HIVEP2: variants seen among roughly 807,000 people sequenced by gnomAD.
HIVEP2 encodes the protein transcription factor HIVEP2.
HIVEP2 carries 14 observed loss-of-function variants against 180.7 expected under a neutral mutation model. The ratio of observed to expected loss-of-function variants is 0.08; its 90% confidence interval spans 0.05 to 0.12. The LOEUF (loss-of-function observed/expected upper bound fraction) is 0.12. HIVEP2 is among the 10% of genes least tolerant of loss of function. HIVEP2 has a pLI of 1.00. For synonymous variants in HIVEP2, 1,184 were observed against 1,136.4 expected (o/e 1.04, Z -0.84); for missense variants, 2,579 against 3,008.5 (o/e 0.86, Z 3.34).
chr6:142,760,501 T>C lies in HIVEP2; in HGVS notation c.5787A>G (p.Pro1929=). The C allele has an allele frequency of 6.2e-7, 1 of 1,614,158 alleles. No homozygotes were observed. The highest frequency in any genetic ancestry group is 1.1e-5 in the South Asian group (1 of 91,086). ...GACTGGTGCTTCTTGATCTTGTTTT[T>C]GGTGTTAAATCTCCCTGGTCGTCAA... ...DDFDDQGDLT[P]KTRSRSTSPQ... Residue 1929 remains proline (P), a synonymous_variant, in exon 9 of 10, where the codon CCA becomes CCG. Coordinates refer to ENST00000367603, the MANE Select transcript of HIVEP2 (RefSeq NM_006734.4).
chr6:142,796,419 T>C (rs1776279859), intron 2 of HIVEP2, among the ~76,000 whole-genome samples: 1 of 152,160 alleles, frequency 6.6e-6, no homozygotes, highest in Non-Finnish European at 1.5e-5. Flanking sequence ...AACACATATT[T>C]TGTATGTTGT....
chr6:142,840,484 A>T (rs1042676840), intron 1 of HIVEP2, among the ~76,000 whole-genome samples: 10 of 152,250 alleles, frequency 6.6e-5, no homozygotes, highest in Non-Finnish European at 1.2e-4. Context: ...TTTCATTTTT[A>T]AAAATTTTAA....
At chr6:142,826,859 T>C (rs1030788026) in intron 2 of HIVEP2, among the ~76,000 whole-genome samples, 1 of 152,234 alleles carries the variant, frequency 6.6e-6, no homozygotes, top group Admixed American at 6.5e-5. Context: ...ATAAGAAGGA[T>C]GTATTTTATC....
chr6:142,925,722 A>G (rs950094390), intron 1 of HIVEP2, among the ~76,000 whole-genome samples: 18 of 152,258 alleles, frequency 1.2e-4, no homozygotes, highest in African/African-American at 3.9e-4. Context: ...CTGAAAGCAT[A>G]CATAAGTCAG....
At chr6:142,818,230 G>C (rs2114818289) in intron 2 of HIVEP2, among the ~76,000 whole-genome samples, 2 of 152,212 alleles carry the variant, frequency 1.3e-5, no homozygotes, top group South Asian at 4.1e-4. Context: ...CAATGTACAA[G>C]CTCCCTTCTA....
At chr6:142,919,066 C>T (rs370724346) in intron 1 of HIVEP2, among the ~76,000 whole-genome samples, 7 of 152,252 alleles carry the variant, frequency 4.6e-5, no homozygotes, top group African/African-American at 1.7e-4. Context: ...CTGTCCATTT[C>T]TCTACCAAAT....
chr6:142,772,537 C>T lies in HIVEP2; in HGVS notation c.2202G>A (p.Met734Ile). The part of the protein sequence containing the change: ...MASDYDPKLQ[M>I]QEGVRSGFAM... Reference sequence around the variant, plus strand: ...CAAATCCACTCCTGACTCCTTCCTGCATCTGCAGTTTGGGGTCATAATCGG... The same window carrying T: ...CAAATCCACTCCTGACTCCTTCCTGTATCTGCAGTTTGGGGTCATAATCGG... Residue 734 changes from methionine (M) to isoleucine (I), a missense_variant, in exon 5 of 10, where the codon ATG (methionine) becomes ATA (isoleucine). Coordinates refer to ENST00000367603, the MANE Select transcript of HIVEP2 (RefSeq NM_006734.4). This position sits in a 1 kb window ranked among gnomAD's most constrained non-coding sequence, Gnocchi z 4.9. The T allele has an allele frequency of 6.2e-7, 1 of 1,614,152 alleles. No homozygotes were observed.
chr6:142,862,769 T>C (rs1172855589), intron 1 of HIVEP2, among the ~76,000 whole-genome samples: 1 of 136,174 alleles, frequency 7.3e-6, no homozygotes, highest in African/African-American at 2.7e-5. Flanking sequence ...TTATGTAATA[T>C]ATTATATGTA....
chr6:142,787,617 T>C (rs370722022), intron 2 of HIVEP2, among the ~76,000 whole-genome samples: 1 of 145,204 alleles, frequency 6.9e-6, no homozygotes, highest in Non-Finnish European at 1.5e-5. Flanking sequence ...CACTCTGGAG[T>C]GCGTAAAGTG....
intron 1 of HIVEP2, among the ~76,000 whole-genome samples, chr6:142,889,723 C>A (rs1437297996): frequency 6.6e-6 from 1 of 152,166 alleles, no homozygotes; most frequent in East Asian, 1.9e-4. Context: ...CAATAAATGG[C>A]AGCTATTATT....
chr6:142,802,065 A>T (rs1330488968), intron 2 of HIVEP2, among the ~76,000 whole-genome samples: 1 of 152,148 alleles, frequency 6.6e-6, no homozygotes, highest in Non-Finnish European at 1.5e-5. Flanking sequence ...CTGCTGTAAC[A>T]AACAAAATCC....
chr6:142,783,473 A>G (rs944026686), intron 3 of HIVEP2, 48 bp downstream of exon 3: 2 of 152,130 alleles, frequency 1.3e-5, no homozygotes, highest in Non-Finnish European at 2.9e-5. Context: ...CAGCTTTTCA[A>G]GTTTAATGTA....
intron 1 of HIVEP2, among the ~76,000 whole-genome samples, chr6:142,856,233 T>G (rs1775817985): frequency 6.6e-6 from 1 of 151,776 alleles, no homozygotes; most frequent in Non-Finnish European, 1.5e-5. Flanking sequence ...AGAATTTATG[T>G]CTCCCAGTTC....
At chr6:142,805,051 C>T (rs1290510430) in intron 2 of HIVEP2, among the ~76,000 whole-genome samples, 1 of 152,108 alleles carries the variant, frequency 6.6e-6, no homozygotes, top group Non-Finnish European at 1.5e-5. Context: ...TGAGTGCCAC[C>T]CTACATAACG....
intron 1 of HIVEP2, among the ~76,000 whole-genome samples, chr6:142,868,293 C>T (rs759387797): frequency 1.3e-5 from 2 of 152,106 alleles, no homozygotes; most frequent in Non-Finnish European, 2.9e-5. Flanking sequence ...TTCCTTTTAC[C>T]GTACAGTAAA....
intron 1 of HIVEP2, among the ~76,000 whole-genome samples, chr6:142,928,318 A>T (rs1330096914): frequency 1.3e-5 from 2 of 152,166 alleles, no homozygotes; most frequent in African/African-American, 4.8e-5. Flanking sequence ...TGTGCATTGC[A>T]TTGTAACCTA....
rs550384548 is a variant in HIVEP2 at position 142,833,309 on chromosome 6, C to T, written c.-528+3626G>A. Among the ~76,000 whole-genome samples, 6 of 152,286 alleles carry T rather than the reference C, an allele frequency of 3.9e-5. No homozygotes were observed. The South Asian group carries it at 1.2e-3, about 32-fold the overall frequency. On this transcript the variant is annotated intron_variant, in intron 2 of 9. Coordinates refer to ENST00000367603, the MANE Select transcript of HIVEP2 (RefSeq NM_006734.4). ...TTTGCAGACAGAGAGTAAGTCATTA[C>T]ACAAATATTAATTCATGCCATCATA...
rs1234190881 is a variant in HIVEP2 at position 142,774,906 on chromosome 6, G to A, written c.-168C>T. On this transcript the variant is annotated 5_prime_UTR_variant, in exon 5 of 10. Transcript: ENST00000367603. The surrounding 1 kb of genome is among the most constrained non-coding windows in gnomAD (Gnocchi z 5.1). ...AACCTTCCACACGCACACCACAGTC[G>A]ATGGGCATTAGCTAGTAATGTCCTT... 3.4e-6 allele frequency: 5 copies of A among 1,475,732 alleles called. No homozygotes were observed. Among genetic ancestry groups the A allele is most frequent in the South Asian group, 2.8e-5 (2 of 70,602 alleles). The allele number at this position is 1,475,732 out of a possible 1,614,324, so 91.4% of individuals were successfully genotyped here.
At position 142,811,812 on chromosome 6, in the gene HIVEP2, T is replaced by C. The variant is rs1218697262; in HGVS notation, c.-528+25123A>G. Among the ~76,000 whole-genome samples, 3 of 152,310 alleles carry C rather than the reference T, an allele frequency of 2.0e-5. No individual in the cohort carries two copies. The East Asian group carries it at 5.8e-4, about 29-fold the overall frequency. On this transcript the variant is annotated intron_variant, in intron 2 of 9. Coordinates refer to ENST00000367603, the MANE Select transcript of HIVEP2 (RefSeq NM_006734.4). ...TTCAAACTAACGGATATCATATCAATGAGTAAATAAATCCAAAAGAGGTTC... is the reference window on the plus strand; with the variant it reads ...TTCAAACTAACGGATATCATATCAACGAGTAAATAAATCCAAAAGAGGTTC...
Sources: gnomAD v4.1 joint callset for allele counts (sites outside exome capture counted in the v4.1 genomes callset) on GRCh38, gnomAD v4.1.1 for gene constraint, Gnocchi (gnomAD v3.1) non-coding constraint, MANE v1.5 for transcripts, NCBI Gene and HGNC (gene_info 2026-07-23, HGNC 2026-07-21) for gene names.